The following GRIN2A variants were observed in gnomAD, a reference collection of about 807,000 sequenced individuals.
The protein encoded by GRIN2A is glutamate receptor ionotropic, NMDA 2A.
GRIN2A carries 22 observed loss-of-function variants against 113.4 expected under a neutral mutation model. The ratio of observed to expected loss-of-function variants is 0.19; its 90% CI spans 0.14 to 0.28. GRIN2A has a LOEUF of 0.28. Among genes scored for constraint, GRIN2A ranks in the 10% least tolerant of loss-of-function variants. GRIN2A has a pLI of 1.00. For missense variants in GRIN2A, 1,502 were observed against 1,887.0 expected (o/e 0.80, Z 3.78); for synonymous variants, 827 against 738.4 (o/e 1.12, Z -1.94).
chr16:9,871,442 A>AAAG (rs1040714480), intron 4 of GRIN2A, among the ~76,000 whole-genome samples: 2 of 152,258 alleles, frequency 1.3e-5, no homozygotes, highest in African/African-American at 4.8e-5. Context: ...AAAAAAAAAA[A>AAAG]AAAAGGTAAA....
intron 2 of GRIN2A, among the ~76,000 whole-genome samples, chr16:10,058,175 A>T (rs2047486900): frequency 6.6e-6 from 1 of 152,094 alleles, no homozygotes; most frequent in Non-Finnish European, 1.5e-5. Flanking sequence ...GAATTGCTTG[A>T]ACCCGGGAGG....
At chr16:9,956,579 G>T (rs768339200) in intron 2 of GRIN2A, among the ~76,000 whole-genome samples, 1 of 152,124 alleles carries the variant, frequency 6.6e-6, no homozygotes, top group Non-Finnish European at 1.5e-5. Context: ...AGTGCTGAAG[G>T]CTGAGAATCC....
At chr16:9,966,438 A>G (rs1265130351) in intron 2 of GRIN2A, among the ~76,000 whole-genome samples, 1 of 152,210 alleles carries the variant, frequency 6.6e-6, no homozygotes, top group Non-Finnish European at 1.5e-5. Context: ...GTCCCTGCAC[A>G]GGACATGATC....
Position 10,180,331 on chromosome 16 carries a change from C to T in GRIN2A, c.81G>A (p.Ala27=), listed in dbSNP as rs749997784. 6.2e-7 allele frequency: 1 copy of T among 1,609,484 alleles called. No individual in the cohort carries two copies. The highest frequency in any genetic ancestry group is 1.1e-5 in the South Asian group (1 of 91,064). ...TATTTAGCGCGGGGGGACCCTTCTC[C>T]GCCGCCGCGCTCGGCGCCGGACCGC... ...VWRGPAPSAA[A]EKGPPALNIA... The change falls in exon 2 of 13, where the codon GCG becomes GCA. Residue 27 remains alanine, a synonymous_variant. Coordinates refer to ENST00000330684, the MANE Select transcript of GRIN2A (RefSeq NM_001134407.3). The surrounding 1 kb of genome is among the most constrained non-coding windows in gnomAD (Gnocchi z 7.0).
chr16:10,155,813 G>A (rs566727306), intron 2 of GRIN2A, among the ~76,000 whole-genome samples: 36 of 152,230 alleles, frequency 2.4e-4, no homozygotes, highest in African/African-American at 8.7e-4. Context: ...CAGATCTTGT[G>A]AGACTTATTC....
chr16:9,962,921 C>A (rs181048587), intron 2 of GRIN2A, among the ~76,000 whole-genome samples: 120 of 152,116 alleles, frequency 7.9e-4, no homozygotes, highest in African/African-American at 2.7e-3. Flanking sequence ...CACATATACA[C>A]CATGGAATAC....
chr16:9,901,551 C>A (rs2043924711), intron 3 of GRIN2A, among the ~76,000 whole-genome samples: 1 of 152,140 alleles, frequency 6.6e-6, no homozygotes, highest in African/African-American at 2.4e-5. Context: ...ACTCCACATC[C>A]CGGGTTCAAG....
intron 2 of GRIN2A, among the ~76,000 whole-genome samples, chr16:9,955,740 G>C (rs2045292062): frequency 6.6e-6 from 1 of 152,120 alleles, no homozygotes; most frequent in Non-Finnish European, 1.5e-5. Flanking sequence ...TTTTGTTTTG[G>C]TTTACTAGTT....
chr16:9,850,344 G>C (rs2042861726), intron 4 of GRIN2A, among the ~76,000 whole-genome samples: 1 of 152,150 alleles, frequency 6.6e-6, no homozygotes, highest in South Asian at 2.1e-4. Flanking sequence ...CCACTTACTA[G>C]CTGTACTAGG....
chr16:10,135,830 C>T (rs1033816883), intron 2 of GRIN2A, among the ~76,000 whole-genome samples: 12 of 152,090 alleles, frequency 7.9e-5, no homozygotes, highest in African/African-American at 2.9e-4. Context: ...AGATAACCTC[C>T]CTTAAAGTCA....
At chr16:10,116,981 G>A (rs1366701572) in intron 2 of GRIN2A, among the ~76,000 whole-genome samples, 1 of 151,774 alleles carries the variant, frequency 6.6e-6, no homozygotes, top group Admixed American at 6.6e-5. Flanking sequence ...TAAGCTTCAG[G>A]TGACCCTCAG....
chr16:9,987,479 G>A (rs569118544), intron 2 of GRIN2A, among the ~76,000 whole-genome samples: 1 of 152,262 alleles, frequency 6.6e-6, no homozygotes, highest in African/African-American at 2.4e-5. Context: ...ATAACATCCA[G>A]TTATCCAAAT....
intron 2 of GRIN2A, among the ~76,000 whole-genome samples, chr16:10,042,977 T>C (rs1332926958): frequency 6.6e-6 from 1 of 152,208 alleles, no homozygotes; most frequent in Non-Finnish European, 1.5e-5. Context: ...TCCCCAACTT[T>C]GATCTACGTC....
At chr16:10,039,373 A>C (rs908336312) in intron 2 of GRIN2A, among the ~76,000 whole-genome samples, 1 of 152,174 alleles carries the variant, frequency 6.6e-6, no homozygotes, top group Non-Finnish European at 1.5e-5. Flanking sequence ...CCTGCTCTCT[A>C]TCCCCAGGGT....
intron 11 of GRIN2A, among the ~76,000 whole-genome samples, chr16:9,777,441 T>G (rs2267778): frequency 0.22 from 33,723 of 152,114 alleles, 4,243 homozygotes; most frequent in East Asian, 0.54. Flanking sequence ...TACAAGATTC[T>G]GGACACAAAT....
At chr16:9,990,974 G>A (rs1025866989) in intron 2 of GRIN2A, among the ~76,000 whole-genome samples, 9 of 152,118 alleles carry the variant, frequency 5.9e-5, no homozygotes, top group African/African-American at 2.2e-4. Flanking sequence ...GGCTGAGGCA[G>A]GAGAATGGCT....
chr16:10,097,026 G>T (rs1226451292), intron 2 of GRIN2A, among the ~76,000 whole-genome samples: 1 of 152,150 alleles, frequency 6.6e-6, no homozygotes, highest in Non-Finnish European at 1.5e-5. Context: ...CAAGTCACAT[G>T]GTGCAAAAGT....
In GRIN2A at chr16:9,912,270, A is replaced by T. The variant is rs146871178; in HGVS notation, c.1008-21170T>A. Among the ~76,000 whole-genome samples, 59 of 152,162 alleles carry T rather than the reference A, an allele frequency of 3.9e-4. No individual in the cohort carries two copies. In the East Asian group the frequency reaches 9.3e-3, roughly 24 times the overall value. On this transcript the variant is annotated intron_variant, in intron 3 of 12. Coordinates refer to ENST00000330684, the MANE Select transcript of GRIN2A (RefSeq NM_001134407.3). ...TTGGTGATGGTGTGATGTTGATAGC[A>T]ATGGTGGTAGTGATTATGGAGATGA...
At chr16:9,949,625 T>C (rs1359038643) in intron 2 of GRIN2A, among the ~76,000 whole-genome samples, 1 of 151,062 alleles carries the variant, frequency 6.6e-6, no homozygotes, top group Non-Finnish European at 1.5e-5. Flanking sequence ...GGTGGGTGGA[T>C]GGATGAATGG....
Sources: allele counts gnomAD v4.1 joint callset (sites outside exome capture counted in the v4.1 genomes callset), GRCh38; gene constraint gnomAD v4.1.1; non-coding constraint Gnocchi (gnomAD v3.1); transcripts MANE v1.5; gene names NCBI Gene and HGNC (gene_info 2026-07-23, HGNC 2026-07-21).